The following KLHL29 variants were observed in gnomAD, a reference collection of about 807,000 sequenced individuals.
KLHL29 encodes the protein kelch-like protein 29.
Under a neutral mutation model 80.4 loss-of-function variants are expected in KLHL29, and 21 were observed. That is an observed-to-expected ratio of 0.26 (90% confidence interval 0.19 to 0.38). The LOEUF is 0.38. KLHL29 is among the 10% of genes least tolerant of loss of function. The pLI is 1.00. For missense variants in KLHL29, 867 were observed against 1,223.9 expected (o/e 0.71, Z 4.35); for synonymous variants, 511 against 526.8 (o/e 0.97, Z 0.41).
intron 1 of KLHL29, among the ~76,000 whole-genome samples, chr2:23,436,283 TGTGTG>T (rs879609402): frequency 6.0e-3 from 104 of 17,436 alleles, no homozygotes; most frequent in Admixed American, 0.057. Context: ...ATCAGCTTTG[TGTGTG>T]TGTGTGTGTG....
At chr2:23,649,745 C>G (rs892697041) in intron 5 of KLHL29, among the ~76,000 whole-genome samples, 1 of 152,250 alleles carries the variant, frequency 6.6e-6, no homozygotes, top group Non-Finnish European at 1.5e-5. Flanking sequence ...GCTGTTCAGA[C>G]GAGAGCCAAG....
intron 3 of KLHL29, among the ~76,000 whole-genome samples, chr2:23,583,227 G>A (rs1035902073): frequency 2.6e-5 from 4 of 152,108 alleles, no homozygotes; most frequent in African/African-American, 7.2e-5. Flanking sequence ...GTTTGTTGCC[G>A]CAGCCCCAGA....
intron 2 of KLHL29, among the ~76,000 whole-genome samples, chr2:23,496,260 T>C (rs1031222802): frequency 2.6e-5 from 4 of 152,364 alleles, no homozygotes; most frequent in East Asian, 3.9e-4. Context: ...ATACCACTTA[T>C]AATTTTTTAT....
At chr2:23,450,141 C>G (rs1357390235) in intron 1 of KLHL29, among the ~76,000 whole-genome samples, 1 of 152,024 alleles carries the variant, frequency 6.6e-6, no homozygotes, top group Admixed American at 6.6e-5. Flanking sequence ...ATTCAGAACA[C>G]AAGTGGAGGA....
At chr2:23,543,112 C>T (rs1175923001) in intron 2 of KLHL29, among the ~76,000 whole-genome samples, 1 of 152,170 alleles carries the variant, frequency 6.6e-6, no homozygotes, top group Non-Finnish European at 1.5e-5. Flanking sequence ...GCAGTGTGTC[C>T]CTGCCGTCTG....
At chr2:23,630,934 G>A (rs1474125757) in intron 3 of KLHL29, among the ~76,000 whole-genome samples, 1 of 152,244 alleles carries the variant, frequency 6.6e-6, no homozygotes, top group South Asian at 2.1e-4. Flanking sequence ...GGCCAGGGAG[G>A]ACCAGTTCAT....
chr2:23,436,711 G>T (rs1663355868), intron 1 of KLHL29, among the ~76,000 whole-genome samples: 1 of 152,222 alleles, frequency 6.6e-6, no homozygotes. Flanking sequence ...ATGCAGCCTG[G>T]CTTCCGCAGC....
intron 1 of KLHL29, among the ~76,000 whole-genome samples, chr2:23,427,073 C>T (rs1035404637): frequency 1.3e-5 from 2 of 152,088 alleles, no homozygotes; most frequent in Non-Finnish European, 2.9e-5. Flanking sequence ...CCCAGGTGAC[C>T]GCTGCATGGT....
chr2:23,487,164 G>A lies in KLHL29; in HGVS notation c.-46+11497G>A, dbSNP rs1022010952. Among the ~76,000 whole-genome samples, 6 of 151,988 alleles carry A rather than the reference G, an allele frequency of 3.9e-5. No homozygotes were observed. The East Asian group carries it at 9.7e-4, about 25-fold the overall frequency. On this transcript the variant is annotated intron_variant, in intron 2 of 13. Coordinates refer to ENST00000486442, the MANE Select transcript of KLHL29 (RefSeq NM_052920.2). ...AGCTGTACCTCTTGTCATTTGTCCA[G>A]GCTTTATTTGTGTGTGACCTTTGTC... is the stretch of plus-strand genomic sequence containing the variant.
In KLHL29 at chr2:23,590,588, G is replaced by A. The variant is rs141447480; in HGVS notation, c.285+28107G>A. Among the ~76,000 whole-genome samples, 132 of 152,204 alleles carry A rather than the reference G, an allele frequency of 8.7e-4. 1 individual carries two copies. The East Asian group carries it at 0.021, about 25-fold the overall frequency. Reference sequence around the variant, plus strand: ...CCCTGGTTCCCCTCCAGACCTGTGCGAGGTCCTGAGCATGGCCCAGTGCAT... The same window carrying A: ...CCCTGGTTCCCCTCCAGACCTGTGCAAGGTCCTGAGCATGGCCCAGTGCAT... On this transcript the variant is annotated intron_variant, in intron 3 of 13. Coordinates refer to ENST00000486442, the MANE Select transcript of KLHL29 (RefSeq NM_052920.2).
intron 2 of KLHL29, among the ~76,000 whole-genome samples, chr2:23,509,234 G>A (rs1460261617): frequency 1.3e-5 from 2 of 152,146 alleles, no homozygotes; most frequent in African/African-American, 4.8e-5. Flanking sequence ...GGTTATTTCT[G>A]CCTCCACACT....
At chr2:23,582,269 A>G (rs1668006959) in intron 3 of KLHL29, among the ~76,000 whole-genome samples, 1 of 152,244 alleles carries the variant, frequency 6.6e-6, no homozygotes, top group African/African-American at 2.4e-5. Flanking sequence ...TTTTAATATA[A>G]ATGCACCCTG....
intron 1 of KLHL29, among the ~76,000 whole-genome samples, chr2:23,404,826 G>C (rs1210371597): frequency 6.6e-6 from 1 of 152,210 alleles, no homozygotes; most frequent in Admixed American, 6.5e-5. Flanking sequence ...ATCCTTTGCA[G>C]GAGTTTTCTC....
rs529680131 is a variant in KLHL29, at chr2:23,600,620, C to T, written c.285+38139C>T. Reference sequence around the variant, plus strand: ...GCTCAGCTGTTTGTGCGGTTTTGCCCTTTTGATTAAATTGCCTCTATCAAC... The same window carrying T: ...GCTCAGCTGTTTGTGCGGTTTTGCCTTTTTGATTAAATTGCCTCTATCAAC... On this transcript the variant is annotated intron_variant, in intron 3 of 13. Transcript: ENST00000486442. 1.1e-4 allele frequency among the ~76,000 whole-genome samples: 16 copies of T among 152,320 alleles called. No homozygotes were observed. The South Asian group carries it at 3.1e-3, about 30-fold the overall frequency.
chr2:23,589,800 C>G (rs1167711160), intron 3 of KLHL29, among the ~76,000 whole-genome samples: 1 of 152,242 alleles, frequency 6.6e-6, no homozygotes, highest in Non-Finnish European at 1.5e-5. Context: ...ACAATTCTCT[C>G]AGGAGCCTTC....
intron 5 of KLHL29, among the ~76,000 whole-genome samples, chr2:23,656,955 G>T (rs1352681936): frequency 6.7e-6 from 1 of 149,928 alleles, no homozygotes. Flanking sequence ...AAAAAAAACT[G>T]GTTTCTACCA....
chr2:23,480,080 G>C lies in KLHL29; in HGVS notation c.-46+4413G>C, dbSNP rs554220595. On this transcript the variant is annotated intron_variant, in intron 2 of 13. Coordinates refer to ENST00000486442, the MANE Select transcript of KLHL29 (RefSeq NM_052920.2). The stretch of plus-strand genomic sequence containing the variant: ...CTCAGTCTTCTGAGCTGTAAAACGG[G>C]AATAACCACGGCCTTCCCATTTCTC... Among the ~76,000 whole-genome samples the C allele has an allele frequency of 2.7e-3, 409 of 152,320 alleles. 2 individuals are homozygous for C. Among genetic ancestry groups the C allele is most frequent in the African/African-American group, 9.6e-3 (399 of 41,578 alleles).
At chr2:23,532,816 G>T (rs560223441) in intron 2 of KLHL29, among the ~76,000 whole-genome samples, 7 of 152,292 alleles carry the variant, frequency 4.6e-5, no homozygotes, top group African/African-American at 1.4e-4. Context: ...ATCGAGGCGC[G>T]TTCAGGGTAA....
intron 2 of KLHL29, among the ~76,000 whole-genome samples, chr2:23,539,037 G>A (rs1666757480): frequency 1.3e-5 from 2 of 152,204 alleles, no homozygotes. Context: ...GAGAAGGGCT[G>A]GGAAAGATCG....
Sources: allele counts gnomAD v4.1 joint callset (sites outside exome capture counted in the v4.1 genomes callset), GRCh38; gene constraint gnomAD v4.1.1; transcripts MANE v1.5; gene names NCBI Gene and HGNC (gene_info 2026-07-23, HGNC 2026-07-21).